Variants in CNTNAP2 observed in about 807,000 individuals in gnomAD.
CNTNAP2 encodes contactin-associated protein-like 2.
In CNTNAP2, 98 loss-of-function variants were observed where a neutral mutation model predicts 155.2. That is an observed-to-expected ratio of 0.63 (90% CI 0.54 to 0.75). CNTNAP2 has a LOEUF of 0.75. Ranked by LOEUF, CNTNAP2 falls within the 30% of genes least tolerant of loss-of-function variation. The pLI is 0.00. For missense variants in CNTNAP2, 1,727 were observed against 1,688.1 expected (o/e 1.02, Z -0.40); for synonymous variants, 651 against 631.2 (o/e 1.03, Z -0.47).
At chr7:147,031,460 T>C (rs549672078) in intron 3 of CNTNAP2, among the ~76,000 whole-genome samples, 2 of 152,256 alleles carry the variant, frequency 1.3e-5, no homozygotes, top group Non-Finnish European at 1.5e-5. Context: ...CCAGTATCTA[T>C]CAATACAAAA....
chr7:146,213,881 T>C (rs1351983002), intron 1 of CNTNAP2, among the ~76,000 whole-genome samples: 3 of 152,182 alleles, frequency 2.0e-5, no homozygotes, highest in Non-Finnish European at 4.4e-5. Flanking sequence ...CTGAAATCCA[T>C]GGCATTAATT....
At chr7:147,441,848 TCTCCCTCCC>T (rs1797644426) in intron 10 of CNTNAP2, among the ~76,000 whole-genome samples, 1 of 114,378 alleles carries the variant, frequency 8.7e-6, no homozygotes, top group African/African-American at 3.1e-5. Flanking sequence ...TCTCTCTCTC[TCTCCCTCCC>T]TCCCTCCCTC....
chr7:146,123,326 C>T (rs1162548963), intron 1 of CNTNAP2, among the ~76,000 whole-genome samples: 1 of 152,142 alleles, frequency 6.6e-6, no homozygotes, highest in Non-Finnish European at 1.5e-5. Flanking sequence ...TCTGAGAATA[C>T]TTTTACCAGG....
intron 17 of CNTNAP2, among the ~76,000 whole-genome samples, chr7:148,165,158 G>T (rs139124060): frequency 6.6e-6 from 1 of 152,138 alleles, no homozygotes; most frequent in East Asian, 1.9e-4. Context: ...CAGTGTGTCC[G>T]TAGGGTTGCT....
intron 1 of CNTNAP2, among the ~76,000 whole-genome samples, chr7:146,490,008 G>A (rs539595708): frequency 1.3e-5 from 2 of 152,244 alleles, no homozygotes; most frequent in South Asian, 4.2e-4. Flanking sequence ...TCAATCAGAA[G>A]AAAGCGCATC....
chr7:146,804,929 C>G (rs904511083), intron 2 of CNTNAP2, among the ~76,000 whole-genome samples: 5 of 152,180 alleles, frequency 3.3e-5, no homozygotes, highest in African/African-American at 1.2e-4. Flanking sequence ...TTGTCCTCCT[C>G]TTAATTCTCA....
chr7:148,011,854 C>CAGT (rs1203130529), intron 15 of CNTNAP2, among the ~76,000 whole-genome samples: 1 of 152,150 alleles, frequency 6.6e-6, no homozygotes, highest in Non-Finnish European at 1.5e-5. Context: ...TTCCTATGGC[C>CAGT]AGTAGTCAGC....
At chr7:146,603,264 T>C (rs1798980904) in intron 1 of CNTNAP2, among the ~76,000 whole-genome samples, 1 of 150,632 alleles carries the variant, frequency 6.6e-6, no homozygotes. Context: ...TACAAAACAT[T>C]AGCCGGGCGT....
Position 146,235,986 on chromosome 7 carries a change from G to A in CNTNAP2, c.97+119013G>A, listed in dbSNP as rs116885663. On this transcript the variant is annotated intron_variant, in intron 1 of 23. Transcript: ENST00000361727. ...TGTGTGTGTGTGTGTGTGTGCGCGC[G>A]TATTTGTAAAATGCCATTATCCCTG... Among the ~76,000 whole-genome samples, 521 of 151,446 alleles carry A rather than the reference G, an allele frequency of 3.4e-3. 5 individuals carry two copies. In the East Asian group the frequency reaches 0.035, roughly 10 times the overall value.
chr7:147,074,702 A>C (rs75438058), intron 4 of CNTNAP2, among the ~76,000 whole-genome samples: 1 of 152,124 alleles, frequency 6.6e-6, no homozygotes, highest in African/African-American at 2.4e-5. Flanking sequence ...ATGAAAATCA[A>C]TCATTTAAAT....
Position 146,430,195 on chromosome 7 carries a change from T to A in CNTNAP2, c.97+313222T>A, listed in dbSNP as rs1796153396. On this transcript the variant is annotated intron_variant, in intron 1 of 23. Coordinates refer to ENST00000361727, the MANE Select transcript of CNTNAP2 (RefSeq NM_014141.6). ...CTGAAGTTTTTTTTTTTTTGTTTTATTTTTTTAATCTCTGCCAGGATGTAA... is the reference window on the plus strand; with the variant it reads ...CTGAAGTTTTTTTTTTTTTGTTTTAATTTTTTAATCTCTGCCAGGATGTAA... Among the ~76,000 whole-genome samples, 2 of 151,690 alleles carry A rather than the reference T, an allele frequency of 1.3e-5. 1 individual carries two copies.
intron 3 of CNTNAP2, among the ~76,000 whole-genome samples, chr7:146,841,137 A>G (rs550140549): frequency 5.3e-5 from 8 of 152,266 alleles, no homozygotes; most frequent in African/African-American, 1.9e-4. Flanking sequence ...AACCCCAGAG[A>G]CTTGAATTTA....
At chr7:148,406,985 A>G (rs1289064034) in intron 22 of CNTNAP2, among the ~76,000 whole-genome samples, 1 of 100,222 alleles carries the variant, frequency 1.0e-5, no homozygotes, top group African/African-American at 4.2e-5. Flanking sequence ...TAGCTAAAGA[A>G]CTTTATTCTT....
rs35387068 is a variant in CNTNAP2 at position 146,842,994 on chromosome 7, C to CTTTTTTTTTT, written c.402+3110_402+3119dup. ...GCCACCACGCCCGGCCTGTCCCACA[C>CTTTTTTTTTT]TTTTTTTTTTTTTTTTTTTTTTTTT... On this transcript the variant is annotated intron_variant, in intron 3 of 23. Transcript: ENST00000361727. Among the ~76,000 whole-genome samples the CTTTTTTTTTT allele has an allele frequency of 3.5e-3, 48 of 13,670 alleles. 14 individuals are homozygous for CTTTTTTTTTT. Among genetic ancestry groups the CTTTTTTTTTT allele is most frequent in the East Asian group, 0.015 (4 of 266 alleles). 9.0% of individuals were successfully genotyped at this position (13,670 alleles called of 152,430 possible).
intron 11 of CNTNAP2, among the ~76,000 whole-genome samples, chr7:147,508,154 C>T (rs1315659125): frequency 1.3e-5 from 2 of 152,314 alleles, no homozygotes; most frequent in Non-Finnish European, 1.5e-5. Flanking sequence ...GTGACCAGCA[C>T]ATAGTAGAAA....
At chr7:146,927,706 C>T (rs1367280188) in intron 3 of CNTNAP2, among the ~76,000 whole-genome samples, 1 of 151,782 alleles carries the variant, frequency 6.6e-6, no homozygotes, top group Non-Finnish European at 1.5e-5. Flanking sequence ...AACATCATTA[C>T]TTTTCTTGGT....
At chr7:146,714,138 C>T (rs1801146921) in intron 1 of CNTNAP2, among the ~76,000 whole-genome samples, 1 of 152,100 alleles carries the variant, frequency 6.6e-6, no homozygotes, top group Admixed American at 6.6e-5. Context: ...ACATGAAAGC[C>T]TTCCGTGACG....
chr7:146,147,541 C>T (rs2116768409), intron 1 of CNTNAP2, among the ~76,000 whole-genome samples: 1 of 152,216 alleles, frequency 6.6e-6, no homozygotes, highest in Non-Finnish European at 1.5e-5. Context: ...CTACCCACTT[C>T]TATTTTTCCC....
chr7:147,454,512 A>G (rs1797887403), intron 10 of CNTNAP2, among the ~76,000 whole-genome samples: 1 of 152,118 alleles, frequency 6.6e-6, no homozygotes, highest in South Asian at 2.1e-4. Context: ...ATCTATTAAT[A>G]TTGCTAAGAC....
Sources: allele counts gnomAD v4.1 joint callset (sites outside exome capture counted in the v4.1 genomes callset), GRCh38; gene constraint gnomAD v4.1.1; transcripts MANE v1.5; gene names NCBI Gene and HGNC (gene_info 2026-07-23, HGNC 2026-07-21).